Variants in TNPO3 observed in about 807,000 individuals in gnomAD.
TNPO3 encodes transportin-3.
TNPO3 carries 65 observed loss-of-function variants against 122.8 expected under a neutral mutation model. That is an observed-to-expected ratio of 0.53 (90% CI 0.43 to 0.65). The LOEUF (loss-of-function observed/expected upper bound fraction) is 0.65. Ranked by LOEUF, TNPO3 falls within the 30% of genes least tolerant of loss-of-function variation. The pLI, the probability that TNPO3 is intolerant of heterozygous loss-of-function variation, is 0.00. For missense variants in TNPO3, 850 were observed against 1,136.7 expected (o/e 0.75, Z 3.63); for synonymous variants, 372 against 411.2 (o/e 0.90, Z 1.15).
intron 21 of TNPO3, among the ~76,000 whole-genome samples, chr7:128,958,480 C>T (rs529422334): frequency 6.6e-6 from 1 of 152,208 alleles, no homozygotes; most frequent in African/African-American, 2.4e-5. Context: ...TCCTGTAGCC[C>T]TCTCCCTGGC....
intron 1 of TNPO3, chr7:129,030,477 A>G (rs1805802161): frequency 1.3e-5 from 2 of 153,260 alleles, no homozygotes; most frequent in East Asian, 1.9e-4. Flanking sequence ...TCTGCTTGGG[A>G]AAATAGAATG....
At chr7:129,041,856 GC>G in intron 1 of TNPO3, 1 of 503,308 alleles carries the variant, frequency 2.0e-6, no homozygotes, top group Non-Finnish European at 2.6e-6. Context: ...GCAGGCTATG[GC>G]CCAGCAATCC....
At chr7:129,035,148 C>T (rs1423950959) in intron 1 of TNPO3, among the ~76,000 whole-genome samples, 2 of 151,686 alleles carry the variant, frequency 1.3e-5, no homozygotes, top group African/African-American at 4.8e-5. Context: ...GTGGCGGGTG[C>T]CTGTAGTCCC....
chr7:128,970,575 C>G (rs1408551387), intron 19 of TNPO3, among the ~76,000 whole-genome samples: 1 of 151,976 alleles, frequency 6.6e-6, no homozygotes, highest in East Asian at 1.9e-4. Flanking sequence ...GAGATTAATG[C>G]TTAGATTTTT....
intron 4 of TNPO3, among the ~76,000 whole-genome samples, chr7:129,011,791 T>TA (rs1803228572): frequency 6.6e-6 from 1 of 152,162 alleles, no homozygotes; most frequent in South Asian, 2.1e-4. Context: ...CATTTGGGCT[T>TA]AAAAAATCTG....
At chr7:129,045,210 T>C (rs899234203) in intron 1 of TNPO3, among the ~76,000 whole-genome samples, 1 of 152,052 alleles carries the variant, frequency 6.6e-6, no homozygotes, top group African/African-American at 2.4e-5. Context: ...GGGGAGCAAA[T>C]GGGCACCTAT....
chr7:129,003,354 T>C (rs1416333627), intron 5 of TNPO3, among the ~76,000 whole-genome samples: 1 of 147,150 alleles, frequency 6.8e-6, no homozygotes, highest in Non-Finnish European at 1.5e-5. Context: ...CAGAAAGTCA[T>C]GGTCCAAACA....
chr7:128,980,103 G>T, intron 14 of TNPO3, 72 bp from the exon 15 acceptor site: 1 of 1,320,742 alleles, frequency 7.6e-7, no homozygotes, highest in Non-Finnish European at 1.1e-6. Flanking sequence ...CCTGATCCCT[G>T]CTTGCTTACT....
chr7:128,962,300 G>A (rs1417820924), intron 21 of TNPO3, among the ~76,000 whole-genome samples: 1 of 150,718 alleles, frequency 6.6e-6, no homozygotes, highest in East Asian at 2.0e-4. Context: ...GGGAAGTGGA[G>A]CTTGCAGTGA....
At chr7:129,056,063 G>T, upstream of TNPO3, 1 of 1,168,210 alleles carries the variant, frequency 8.6e-7, no homozygotes, top group Non-Finnish European at 1.3e-6. Flanking sequence ...ACTGGAAGAT[G>T]AACGGGCGGA....
At chr7:129,010,324 T>C (rs971494978) in intron 4 of TNPO3, among the ~76,000 whole-genome samples, 1 of 152,096 alleles carries the variant, frequency 6.6e-6, no homozygotes, top group Non-Finnish European at 1.5e-5. Context: ...CATGCCAACA[T>C]GCTTGGTTAA....
chr7:128,968,872 A>G (rs1024892243), intron 20 of TNPO3, among the ~76,000 whole-genome samples: 3 of 151,816 alleles, frequency 2.0e-5, no homozygotes, highest in African/African-American at 7.3e-5. Context: ...CACCACACCC[A>G]GCTAATTAAA....
chr7:129,043,996 G>T (rs1420555000), intron 1 of TNPO3, among the ~76,000 whole-genome samples: 1 of 152,122 alleles, frequency 6.6e-6, no homozygotes, highest in Non-Finnish European at 1.5e-5. Context: ...GAATTCTATT[G>T]TACATACAAA....
At chr7:128,969,585 C>T (rs1798256115) in intron 20 of TNPO3, among the ~76,000 whole-genome samples, 2 of 152,198 alleles carry the variant, frequency 1.3e-5, no homozygotes, top group South Asian at 4.1e-4. Flanking sequence ...GGTCATGTGG[C>T]CCAGTACTGA....
intron 1 of TNPO3, among the ~76,000 whole-genome samples, chr7:129,022,782 C>T (rs1804676683): frequency 6.6e-6 from 1 of 152,044 alleles, no homozygotes; most frequent in Admixed American, 6.5e-5. Context: ...TCAAGTCAAA[C>T]CGATTTTCAA....
chr7:128,981,267 G>C (rs1799597952), intron 14 of TNPO3, among the ~76,000 whole-genome samples: 1 of 151,950 alleles, frequency 6.6e-6, no homozygotes. Context: ...TCCCACATAG[G>C]CTTCTACACA....
intron 4 of TNPO3, among the ~76,000 whole-genome samples, chr7:129,012,265 C>T (rs1049108150): frequency 3.9e-5 from 6 of 152,222 alleles, no homozygotes; most frequent in Non-Finnish European, 4.4e-5. Context: ...CTCAGCCTCC[C>T]AAAGTGCTGG....
At chr7:129,039,696 G>A (rs1807131599) in intron 1 of TNPO3, among the ~76,000 whole-genome samples, 1 of 152,176 alleles carries the variant, frequency 6.6e-6, no homozygotes. Context: ...CCAATGAATG[G>A]ATAAGATGTG....
chr7:128,974,638 T>A (rs1036635136), intron 18 of TNPO3, among the ~76,000 whole-genome samples: 3 of 124,836 alleles, frequency 2.4e-5, no homozygotes, highest in African/African-American at 8.1e-5. Flanking sequence ...GTCTTGTGTG[T>A]GAGCCCTCCT....
Sources: gnomAD v4.1 joint callset for allele counts (sites outside exome capture counted in the v4.1 genomes callset) on GRCh38, gnomAD v4.1.1 for gene constraint, MANE v1.5 for transcripts, NCBI Gene and HGNC (gene_info 2026-07-23, HGNC 2026-07-21) for gene names.